Variants in LRFN2 observed in about 807,000 individuals in gnomAD.
LRFN2 encodes leucine rich repeat and fibronectin type III domain containing 2, also known as leucine-rich repeat and fibronectin type-III domain-containing protein 2.
Under a neutral mutation model 37.3 loss-of-function variants are expected in LRFN2, and 18 were observed. That is an observed-to-expected ratio of 0.48 (90% CI 0.33 to 0.72). The LOEUF is 0.72. LRFN2 is among the 30% of genes least tolerant of loss of function. The probability of loss-of-function intolerance (pLI) is 0.02; values close to 1 mark genes in which losing one functional copy is unlikely to be tolerated. For missense variants in LRFN2, 1,006 were observed against 1,060.7 expected (o/e 0.95, Z 0.72); for synonymous variants, 556 against 466.6 (o/e 1.19, Z -2.47).
chr6:40,496,417 C>G (rs1273961239), intron 1 of LRFN2, among the ~76,000 whole-genome samples: 1 of 152,196 alleles, frequency 6.6e-6, no homozygotes, highest in Non-Finnish European at 1.5e-5. Context: ...GCCCCCACTG[C>G]AGCCTGCAAG....
intron 1 of LRFN2, among the ~76,000 whole-genome samples, chr6:40,450,508 TTCC>T (rs1357217432): frequency 2.0e-4 from 30 of 152,324 alleles, no homozygotes; most frequent in Admixed American, 4.6e-4. Context: ...GGGCAGCCTT[TTCC>T]TTGTCCCTGG....
chr6:40,493,311 T>A (rs1244350499), intron 1 of LRFN2, among the ~76,000 whole-genome samples: 1 of 152,192 alleles, frequency 6.6e-6, no homozygotes, highest in Non-Finnish European at 1.5e-5. Flanking sequence ...CTTGGAGTCC[T>A]GACTTGAACC....
At chr6:40,542,274 G>A (rs115628240) in intron 1 of LRFN2, among the ~76,000 whole-genome samples, 4,501 of 152,204 alleles carry the variant, frequency 0.03, 104 homozygotes, top group Admixed American at 0.051. Context: ...CTTTCCATGG[G>A]ATGCAGGCTG....
chr6:40,401,765 G>A (rs1337633998), intron 2 of LRFN2, among the ~76,000 whole-genome samples: 1 of 152,090 alleles, frequency 6.6e-6, no homozygotes, highest in East Asian at 1.9e-4. Context: ...ACCACCTCTT[G>A]TATCTGCATA....
chr6:40,551,828 C>G (rs922804414), intron 1 of LRFN2, among the ~76,000 whole-genome samples: 11 of 152,212 alleles, frequency 7.2e-5, no homozygotes, highest in African/African-American at 2.6e-4. Context: ...TATAATTACT[C>G]TGATCTGCTC....
chr6:40,522,768 A>C (rs1006231135), intron 1 of LRFN2, among the ~76,000 whole-genome samples: 1 of 152,210 alleles, frequency 6.6e-6, no homozygotes, highest in Non-Finnish European at 1.5e-5. Flanking sequence ...AGGCAGCTGC[A>C]TCTATGTGGG....
intron 1 of LRFN2, among the ~76,000 whole-genome samples, chr6:40,476,281 A>G (rs575562075): frequency 3.9e-4 from 59 of 152,334 alleles, no homozygotes; most frequent in African/African-American, 1.3e-3. Context: ...GTCTGCCGCT[A>G]CGTTTCTCCA....
At chr6:40,493,769 T>C (rs796455587) in intron 1 of LRFN2, among the ~76,000 whole-genome samples, 4 of 152,324 alleles carry the variant, frequency 2.6e-5, no homozygotes, top group African/African-American at 9.6e-5. Context: ...CTCCAGACAC[T>C]AACTTCCAGC....
chr6:40,543,154 C>A (rs951155396), intron 1 of LRFN2, among the ~76,000 whole-genome samples: 2 of 152,220 alleles, frequency 1.3e-5, no homozygotes, highest in Non-Finnish European at 2.9e-5. Flanking sequence ...TCGCAAAGAC[C>A]ACAAGTGTGT....
rs1767329984 is a variant in LRFN2, at chr6:40,578,170, G to A, written c.-19+8771C>T. 3.9e-5 allele frequency among the ~76,000 whole-genome samples: 6 copies of A among 152,332 alleles called. No individual in the cohort carries two copies. The South Asian group carries it at 1.2e-3, about 32-fold the overall frequency. On this transcript the variant is annotated intron_variant, in intron 1 of 2. Transcript: ENST00000338305. ...CCTAACTCCCATCCTCTGGGGTGCT[G>A]TGTAGAGGGCAGCCTGCTTCTCCCC... is the stretch of plus-strand genomic sequence containing the variant.
Position 40,459,873 on chromosome 6 carries a change from AGTC to A in LRFN2, c.-18-26745_-18-26743del, listed in dbSNP as rs150710031. 8.4e-3 allele frequency among the ~76,000 whole-genome samples: 1,280 copies of A among 152,326 alleles called. 17 individuals are homozygous for A. Among genetic ancestry groups the A allele is most frequent in the African/African-American group, 0.029 (1,197 of 41,568 alleles). On this transcript the variant is annotated intron_variant, in intron 1 of 2. Transcript: ENST00000338305. The stretch of plus-strand genomic sequence containing the variant: ...GCCTAATTCTTATATCAACTCTATG[AGTC>A]GGGCACTATTAAGAGCACCAAGAGG...
intron 1 of LRFN2, among the ~76,000 whole-genome samples, chr6:40,494,409 G>A (rs1010740647): frequency 8.5e-5 from 13 of 152,118 alleles, no homozygotes; most frequent in African/African-American, 2.7e-4. Flanking sequence ...TTCTATTTAA[G>A]CTGCCTCAAA....
intron 2 of LRFN2, among the ~76,000 whole-genome samples, chr6:40,403,437 G>T (rs896164409): frequency 6.6e-5 from 10 of 152,288 alleles, no homozygotes; most frequent in Middle Eastern, 3.4e-3. Context: ...CCTGGGGTTG[G>T]GGGCTGGCCT....
At chr6:40,479,747 G>A (rs550388820) in intron 1 of LRFN2, among the ~76,000 whole-genome samples, 8 of 152,160 alleles carry the variant, frequency 5.3e-5, no homozygotes, top group Admixed American at 3.3e-4. Context: ...CTCCCCTGTC[G>A]TCACCACAGA....
rs1222314180 is a variant in LRFN2, at chr6:40,587,311, G to A, written c.-389C>T. The A allele has an allele frequency of 1.3e-5, 2 of 152,172 alleles. No individual in the cohort carries two copies. Among genetic ancestry groups the A allele is most frequent in the Admixed American group, 1.3e-4 (2 of 15,282 alleles). 9.4% of individuals were successfully genotyped at this position (152,172 alleles called of 1,614,324 possible). On this transcript the variant is annotated 5_prime_UTR_variant, in exon 1 of 3. Coordinates refer to ENST00000338305, the MANE Select transcript of LRFN2 (RefSeq NM_020737.3). The surrounding 1 kb of genome is among the most constrained non-coding windows in gnomAD (Gnocchi z 4.2). ...AACCTCGGGCATCTTGGAATGTGGG[G>A]TGTCTTCAAGTTCAGACGAGCCTGC...
At chr6:40,517,002 G>A (rs959650331) in intron 1 of LRFN2, among the ~76,000 whole-genome samples, 4 of 152,128 alleles carry the variant, frequency 2.6e-5, no homozygotes, top group African/African-American at 9.7e-5. Context: ...GCTGAATGAA[G>A]CAGAAACAGT....
At chr6:40,473,988 C>T (rs1008313733) in intron 1 of LRFN2, among the ~76,000 whole-genome samples, 1 of 152,162 alleles carries the variant, frequency 6.6e-6, no homozygotes, top group African/African-American at 2.4e-5. Flanking sequence ...AATGCAAACA[C>T]CCAGGTGTTC....
At chr6:40,436,668 G>A (rs548423217) in intron 1 of LRFN2, among the ~76,000 whole-genome samples, 4 of 152,116 alleles carry the variant, frequency 2.6e-5, no homozygotes, top group Non-Finnish European at 5.9e-5. Flanking sequence ...GGCCCCACCA[G>A]GTCACAGGTG....
At chr6:40,571,265 C>T (rs1199074169) in intron 1 of LRFN2, among the ~76,000 whole-genome samples, 1 of 152,262 alleles carries the variant, frequency 6.6e-6, no homozygotes, top group Non-Finnish European at 1.5e-5. Context: ...CATCTGTTAA[C>T]TGCAAGTGAG....
Sources: allele counts gnomAD v4.1 joint callset (sites outside exome capture counted in the v4.1 genomes callset), GRCh38; gene constraint gnomAD v4.1.1; non-coding constraint Gnocchi (gnomAD v3.1); transcripts MANE v1.5; gene names NCBI Gene and HGNC (gene_info 2026-07-23, HGNC 2026-07-21).